Variants in PCDH15 observed in about 807,000 individuals in gnomAD.
The protein encoded by PCDH15 is protocadherin-15.
Under a neutral mutation model 178.5 loss-of-function variants are expected in PCDH15, and 129 were observed. That is an observed-to-expected ratio of 0.72 (90% CI 0.63 to 0.84). The LOEUF is 0.84. Among genes scored for constraint, PCDH15 ranks in the 40% least tolerant of loss-of-function variants. The probability of loss-of-function intolerance (pLI) is 0.00; values close to 1 mark genes in which losing one functional copy is unlikely to be tolerated. For missense variants in PCDH15, 2,230 were observed against 2,099.9 expected, an observed-to-expected ratio of 1.06 and a Z score of -1.21; for synonymous variants, 800 against 732.0, an observed-to-expected ratio of 1.09 and a Z score of -1.50.
chr10:54,541,885 A>G (rs2085273365), intron 2 of PCDH15, among the ~76,000 whole-genome samples: 1 of 152,190 alleles, frequency 6.6e-6, no homozygotes, highest in African/African-American at 2.4e-5. Flanking sequence ...GTTTAAAATT[A>G]CACTCTTCCA....
intron 1 of PCDH15, among the ~76,000 whole-genome samples, chr10:54,693,599 T>C (rs541429597): frequency 5.3e-5 from 8 of 152,318 alleles, no homozygotes; most frequent in East Asian, 1.9e-4. Flanking sequence ...TAGACTCTAA[T>C]GGTGATTGCT....
chr10:55,616,123 C>G (rs1270979458), intron 2 of PCDH15, among the ~76,000 whole-genome samples: 1 of 152,132 alleles, frequency 6.6e-6, no homozygotes, highest in Non-Finnish European at 1.5e-5. Flanking sequence ...TGCTCTATTA[C>G]TTCTGAATTT....
At chr10:55,161,839 G>A (rs1036582441) in intron 2 of PCDH15, among the ~76,000 whole-genome samples, 8 of 152,090 alleles carry the variant, frequency 5.3e-5, no homozygotes, top group African/African-American at 1.7e-4. Context: ...TTGTTAAAAT[G>A]ATTTGCAGGT....
intron 2 of PCDH15, among the ~76,000 whole-genome samples, chr10:55,463,882 AAAGAGAGG>A (rs1197207951): frequency 3.5e-5 from 2 of 57,106 alleles, no homozygotes; most frequent in African/African-American, 1.1e-4. Flanking sequence ...AGAGAGAGAG[AAAGAGAGG>A]GAGAGAGAGA....
At chr10:55,209,768 T>C (rs1413633114) in intron 1 of PCDH15, among the ~76,000 whole-genome samples, 2 of 152,092 alleles carry the variant, frequency 1.3e-5, no homozygotes, top group Non-Finnish European at 2.9e-5. Context: ...TGAGTTTTAG[T>C]GTTTGAGATT....
At chr10:54,912,756 G>C (rs1375811624) in intron 2 of PCDH15, among the ~76,000 whole-genome samples, 1 of 152,138 alleles carries the variant, frequency 6.6e-6, no homozygotes, top group Non-Finnish European at 1.5e-5. Context: ...CTCAGAAAAA[G>C]ACAGAAAGAT....
At position 54,025,374 on chromosome 10, in the gene PCDH15, T is replaced by C. The variant is rs184554629; in HGVS notation, c.2221-2177A>G. Among the ~76,000 whole-genome samples, 98 of 152,298 alleles carry C rather than the reference T, an allele frequency of 6.4e-4. 1 individual carries two copies. Among genetic ancestry groups the C allele is most frequent in the African/African-American group, 2.3e-3 (96 of 41,566 alleles). On this transcript the variant is annotated intron_variant, in intron 18 of 37. Transcript: ENST00000644397. ...ACAACTTCTTTGCTCATTCAAGTTG[T>C]TGACAGAATTCAGTTGCTAGAGTTT... is the stretch of plus-strand genomic sequence containing the variant.
intron 3 of PCDH15, among the ~76,000 whole-genome samples, chr10:54,873,328 G>C (rs1954073285): frequency 6.6e-6 from 1 of 151,882 alleles, no homozygotes; most frequent in Admixed American, 6.6e-5. Flanking sequence ...ATTACCTTGT[G>C]AAATATAGTT....
chr10:53,826,308 A>G (rs1455399147), intron 32 of PCDH15, among the ~76,000 whole-genome samples: 2 of 152,044 alleles, frequency 1.3e-5, no homozygotes, highest in Admixed American at 6.6e-5. Flanking sequence ...CAATTTTAAC[A>G]TTAATACGAC....
intron 2 of PCDH15, among the ~76,000 whole-genome samples, chr10:54,951,045 T>A (rs543112456): frequency 6.6e-6 from 1 of 151,962 alleles, no homozygotes; most frequent in East Asian, 1.9e-4. Context: ...TGTATTTGTT[T>A]AAATTGGTGA....
chr10:54,172,321 G>T (rs975686838), intron 13 of PCDH15, among the ~76,000 whole-genome samples: 2 of 150,394 alleles, frequency 1.3e-5, no homozygotes, highest in African/African-American at 4.9e-5. Flanking sequence ...ACTCCTGCCC[G>T]CCAGAGAACA....
intron 18 of PCDH15, among the ~76,000 whole-genome samples, chr10:54,032,559 A>G (rs1409739189): frequency 6.6e-6 from 1 of 152,028 alleles, no homozygotes; most frequent in Admixed American, 6.6e-5. Flanking sequence ...AAAAATTGCC[A>G]ATTAGTATTT....
chr10:55,462,592 A>T (rs1190922465), intron 2 of PCDH15, among the ~76,000 whole-genome samples: 2 of 152,152 alleles, frequency 1.3e-5, no homozygotes, highest in Non-Finnish European at 2.9e-5. Context: ...AAGGAAATGT[A>T]TGTAACACTG....
chr10:54,074,257 T>A (rs1369246172), intron 17 of PCDH15, among the ~76,000 whole-genome samples: 1 of 152,226 alleles, frequency 6.6e-6, no homozygotes, highest in Non-Finnish European at 1.5e-5. Flanking sequence ...TATATTCATA[T>A]TCTTGTGCAA....
chr10:55,446,524 A>G (rs965752928), intron 2 of PCDH15, among the ~76,000 whole-genome samples: 1 of 152,036 alleles, frequency 6.6e-6, no homozygotes, highest in African/African-American at 2.4e-5. Flanking sequence ...AATATGATCA[A>G]AGAGGGAATG....
chr10:54,730,161 A>G (rs1165790889), intron 1 of PCDH15, among the ~76,000 whole-genome samples: 1 of 151,696 alleles, frequency 6.6e-6, no homozygotes, highest in Non-Finnish European at 1.5e-5. Context: ...ATGATTATCA[A>G]TAGTGGACTG....
At chr10:55,536,187 A>G (rs561331141) in intron 2 of PCDH15, among the ~76,000 whole-genome samples, 2 of 152,236 alleles carry the variant, frequency 1.3e-5, no homozygotes, top group East Asian at 3.9e-4. Context: ...ACAAGATTTA[A>G]AACATCAAGA....
intron 4 of PCDH15, among the ~76,000 whole-genome samples, chr10:54,375,043 C>T (rs1948198291): frequency 6.6e-6 from 1 of 152,082 alleles, no homozygotes; most frequent in Non-Finnish European, 1.5e-5. Flanking sequence ...ATTTGCATCA[C>T]TTTCTCTGGA....
chr10:54,405,843 TG>T (rs1952597278), intron 3 of PCDH15, among the ~76,000 whole-genome samples: 1 of 150,764 alleles, frequency 6.6e-6, no homozygotes, highest in Non-Finnish European at 1.5e-5. Flanking sequence ...GAAGTTGAGG[TG>T]TTTTTTTTTT....
Sources: allele counts gnomAD v4.1 joint callset (sites outside exome capture counted in the v4.1 genomes callset), GRCh38; gene constraint gnomAD v4.1.1; transcripts MANE v1.5; gene names NCBI Gene and HGNC (gene_info 2026-07-23, HGNC 2026-07-21).